The following RAB3GAP2 variants were observed in gnomAD, a reference collection of about 807,000 sequenced individuals.
The protein encoded by RAB3GAP2 is rab3 GTPase-activating protein non-catalytic subunit.
RAB3GAP2 carries 87 observed loss-of-function variants against 185.3 expected under a neutral mutation model. That is an observed-to-expected ratio of 0.47 (90% CI 0.39 to 0.56). The LOEUF (loss-of-function observed/expected upper bound fraction) is 0.56. RAB3GAP2 is among the 20% of genes least tolerant of loss of function. The probability of loss-of-function intolerance (pLI) is 0.00; values close to 1 mark genes in which losing one functional copy is unlikely to be tolerated. For missense variants in RAB3GAP2, 1,492 were observed against 1,638.2 expected (o/e 0.91, Z 1.54); for synonymous variants, 554 against 576.1 (o/e 0.96, Z 0.55).
At chr1:220,240,600 T>C (rs1278179421) in intron 1 of RAB3GAP2, among the ~76,000 whole-genome samples, 3 of 152,150 alleles carry the variant, frequency 2.0e-5, no homozygotes, top group African/African-American at 7.2e-5. Flanking sequence ...TTATACCACA[T>C]CTTGAATCAT....
At chr1:220,239,536 A>G (rs920748618) in intron 1 of RAB3GAP2, among the ~76,000 whole-genome samples, 2 of 152,164 alleles carry the variant, frequency 1.3e-5, no homozygotes, top group Non-Finnish European at 2.9e-5. Flanking sequence ...CGGCCTTCAA[A>G]TAACTTTTGT....
At chr1:220,239,951 A>ATTT (rs1324189552) in intron 1 of RAB3GAP2, among the ~76,000 whole-genome samples, 1 of 151,398 alleles carries the variant, frequency 6.6e-6, no homozygotes, top group Non-Finnish European at 1.5e-5. Context: ...TATAAAAGCC[A>ATTT]TTGAGTTCCC....
chr1:220,248,939 A>G (rs1659877665), intron 1 of RAB3GAP2, among the ~76,000 whole-genome samples: 1 of 152,166 alleles, frequency 6.6e-6, no homozygotes, highest in South Asian at 2.1e-4. Context: ...CCATGACTGT[A>G]ATTTCCTGAG....
At chr1:220,209,012 C>T (rs1332325832) in intron 7 of RAB3GAP2, among the ~76,000 whole-genome samples, 10 of 152,128 alleles carry the variant, frequency 6.6e-5, no homozygotes, top group Non-Finnish European at 8.8e-5. Context: ...CCACCGTGCC[C>T]GGCCCCAAAA....
At position 220,158,972 on chromosome 1, in the gene RAB3GAP2, A is replaced by C. The variant is rs918447535; in HGVS notation, c.3261+414T>G. 2.0e-5 allele frequency among the ~76,000 whole-genome samples: 3 copies of C among 152,180 alleles called. No individual in the cohort carries two copies. The highest frequency in any genetic ancestry group is 7.2e-5 in the African/African-American group (3 of 41,442). ...TATCCATGGATTAGAATATTAGTTA[A>C]GACTAATGTTGTATTTGTATACTTA... On this transcript the variant is annotated intron_variant, in intron 29 of 34. Coordinates refer to ENST00000358951, the MANE Select transcript of RAB3GAP2 (RefSeq NM_012414.4). This position sits in a 1 kb window ranked among gnomAD's most constrained non-coding sequence, Gnocchi z 4.3.
At chr1:220,260,384 GTATA>G (rs1272823320) in intron 1 of RAB3GAP2, among the ~76,000 whole-genome samples, 1 of 152,128 alleles carries the variant, frequency 6.6e-6, no homozygotes, top group Non-Finnish European at 1.5e-5. Context: ...GAAAAATGTG[GTATA>G]TATACACCAT....
chr1:220,258,944 A>G (rs1312630381), intron 1 of RAB3GAP2, among the ~76,000 whole-genome samples: 1 of 152,054 alleles, frequency 6.6e-6, no homozygotes, highest in Non-Finnish European at 1.5e-5. Flanking sequence ...ACACTACGAC[A>G]GAAAGGCAGC....
chr1:220,211,825 T>C (rs1659089967), intron 4 of RAB3GAP2, among the ~76,000 whole-genome samples: 2 of 152,230 alleles, frequency 1.3e-5, no homozygotes. Context: ...TATGTTTGCT[T>C]TGCATTTCTG....
chr1:220,163,918 T>G (rs2102855348), intron 27 of RAB3GAP2, among the ~76,000 whole-genome samples: 1 of 151,952 alleles, frequency 6.6e-6, no homozygotes, highest in South Asian at 2.1e-4. Context: ...TCTCTAGAAT[T>G]TATTACAGAG....
intron 1 of RAB3GAP2, among the ~76,000 whole-genome samples, chr1:220,242,734 A>AT: frequency 6.6e-6 from 1 of 152,264 alleles, no homozygotes; most frequent in South Asian, 2.1e-4. Flanking sequence ...ACGAACCATT[A>AT]TTTTTTAAAT....
intron 1 of RAB3GAP2, among the ~76,000 whole-genome samples, chr1:220,244,232 AC>A (rs1430873630): frequency 6.6e-6 from 1 of 152,220 alleles, no homozygotes; most frequent in Non-Finnish European, 1.5e-5. Context: ...ATCAATGTAC[AC>A]AAATCAGTAG....
rs530961557 is a variant in RAB3GAP2 at position 220,214,391 on chromosome 1, C to T, written c.181-412G>A. On this transcript the variant is annotated intron_variant, in intron 2 of 34. Coordinates refer to ENST00000358951, the MANE Select transcript of RAB3GAP2 (RefSeq NM_012414.4). ...TAATACAAAAATTAGCCAGGTGTGGCGGCGCGTGCCTGTAATCCCAGCTAC... is the reference window on the plus strand; with the variant it reads ...TAATACAAAAATTAGCCAGGTGTGGTGGCGCGTGCCTGTAATCCCAGCTAC... Among the ~76,000 whole-genome samples the T allele has an allele frequency of 9.2e-4, 140 of 151,878 alleles. 1 individual carries two copies. Among genetic ancestry groups the T allele is most frequent in the African/African-American group, 3.2e-3 (131 of 41,430 alleles).
intron 18 of RAB3GAP2, among the ~76,000 whole-genome samples, chr1:220,185,210 C>T (rs1658487039): frequency 6.6e-6 from 1 of 152,030 alleles, no homozygotes; most frequent in South Asian, 2.1e-4. Context: ...TACATTTTGA[C>T]GGACTGATGG....
At chr1:220,214,961 T>TATATATATATATATATATAA (rs1214143846) in intron 2 of RAB3GAP2, among the ~76,000 whole-genome samples, 2 of 143,064 alleles carry the variant, frequency 1.4e-5, no homozygotes, top group African/African-American at 5.1e-5. Flanking sequence ...TATATATATA[T>TATATATATATATATATATAA]ATATATATAT....
chr1:220,206,053 T>C, intron 7 of RAB3GAP2, 47 bp from the exon 8 acceptor site: 2 of 1,204,286 alleles, frequency 1.7e-6, no homozygotes, highest in African/African-American at 1.5e-5. Context: ...ATAAATAAGC[T>C]TATCTACTTT....
chr1:220,267,024 G>A (rs568642577), intron 1 of RAB3GAP2: 43 of 1,611,096 alleles, frequency 2.7e-5, no homozygotes, highest in Middle Eastern at 1.7e-4. Flanking sequence ...CAATCATTTC[G>A]GGGGGCAGGT....
chr1:220,221,691 G>C (rs1424643719), intron 2 of RAB3GAP2, among the ~76,000 whole-genome samples: 2 of 152,138 alleles, frequency 1.3e-5, no homozygotes, highest in East Asian at 1.9e-4. Flanking sequence ...TTATGGAAAG[G>C]AATTCTTTCT....
In RAB3GAP2 at chr1:220,210,732, T is replaced by C. The variant is rs74714590; in HGVS notation, c.510+69A>G. 7.9e-3 allele frequency: 11,339 copies of C among 1,435,378 alleles called. 84 individuals are homozygous for C. The highest frequency in any genetic ancestry group is 0.01 in the Non-Finnish European group (10,352 of 1,030,890). The allele number at this position is 1,435,378 out of a possible 1,614,324, so 88.9% of individuals were successfully genotyped here. The stretch of plus-strand genomic sequence containing the variant: ...CAGCAGGTAATAAAGTCACAAACAG[T>C]ATAAAGGTGATGCATAACCAGATAT... On this transcript the variant is annotated intron_variant, in intron 6 of 34. Coordinates refer to ENST00000358951, the MANE Select transcript of RAB3GAP2 (RefSeq NM_012414.4).
intron 9 of RAB3GAP2, among the ~76,000 whole-genome samples, chr1:220,200,178 T>A (rs1658822448): frequency 6.6e-6 from 1 of 152,192 alleles, no homozygotes; most frequent in South Asian, 2.1e-4. Flanking sequence ...CCTATATCCC[T>A]GATGCTCCTC....
Sources: allele counts gnomAD v4.1 joint callset (sites outside exome capture counted in the v4.1 genomes callset), GRCh38; gene constraint gnomAD v4.1.1; non-coding constraint Gnocchi (gnomAD v3.1); transcripts MANE v1.5; gene names NCBI Gene and HGNC (gene_info 2026-07-23, HGNC 2026-07-21).